Variants in COTL1 observed in about 807,000 individuals in gnomAD.
The protein encoded by COTL1 is coactosin like F-actin binding protein 1.
Under a neutral mutation model 16.5 loss-of-function variants are expected in COTL1, and 15 were observed. The observed-to-expected ratio is 0.91, with a 90% CI of 0.61 to 1.40. The LOEUF (loss-of-function observed/expected upper bound fraction) is 1.40, where lower values mean the gene tolerates loss of function less well. Ranked by LOEUF, COTL1 falls within the 40% of genes most tolerant of loss-of-function variation. COTL1 has a pLI of 0.00. For synonymous variants in COTL1, 112 were observed against 85.3 expected (o/e 1.31, Z -1.73); for missense variants, 220 against 201.5 (o/e 1.09, Z -0.56).
intron 2 of COTL1, among the ~76,000 whole-genome samples, chr16:84,603,094 C>A (rs564615422): frequency 6.6e-6 from 1 of 152,276 alleles, no homozygotes; most frequent in East Asian, 1.9e-4. Context: ...CCAGCGACTT[C>A]CCCTCTCTGC....
At chr16:84,611,719 T>C (rs772045926) in intron 2 of COTL1, among the ~76,000 whole-genome samples, 4 of 152,228 alleles carry the variant, frequency 2.6e-5, no homozygotes, top group Non-Finnish European at 4.4e-5. Context: ...TGCAAAACTA[T>C]ATCTGAACTA....
In COTL1 at chr16:84,598,626, T is replaced by A. The variant is rs562407737; in HGVS notation, c.161-8364A>T. On this transcript the variant is annotated intron_variant, in intron 2 of 3. Coordinates refer to ENST00000262428, the MANE Select transcript of COTL1 (RefSeq NM_021149.5). ...TTACGCCTCTCCCACCTCCTCCCCATCTGTGCCTCCTCCTCCCCTTCTCCC... is the reference window on the plus strand; with the variant it reads ...TTACGCCTCTCCCACCTCCTCCCCAACTGTGCCTCCTCCTCCCCTTCTCCC... Among the ~76,000 whole-genome samples the A allele has an allele frequency of 5.8e-3, 847 of 146,492 alleles. 6 individuals carry two copies. The highest frequency in any genetic ancestry group is 0.021 in the African/African-American group (817 of 39,700).
At chr16:84,591,210 GT>G (rs1904852247) in intron 2 of COTL1, among the ~76,000 whole-genome samples, 1 of 143,958 alleles carries the variant, frequency 6.9e-6, no homozygotes, top group Non-Finnish European at 1.5e-5. Context: ...TTGAGACAGA[GT>G]CTCGCTCTGT....
intron 2 of COTL1, chr16:84,595,204 G>A (rs1390917070): frequency 1.3e-5 from 2 of 152,458 alleles, no homozygotes; most frequent in Admixed American, 6.5e-5. Context: ...AAATGATCGT[G>A]GGGGAGCGGG....
At chr16:84,578,288 A>C (rs980084324) in intron 3 of COTL1, among the ~76,000 whole-genome samples, 1 of 152,226 alleles carries the variant, frequency 6.6e-6, no homozygotes, top group Non-Finnish European at 1.5e-5. Context: ...AAATAACAGA[A>C]TTTTTAAAAA....
chr16:84,575,967 C>T (rs766905901), intron 3 of COTL1: 2 of 152,230 alleles, frequency 1.3e-5, no homozygotes, highest in Non-Finnish European at 2.9e-5. Flanking sequence ...TGTGGGTTCA[C>T]CTTCATTCTC....
At chr16:84,608,047 G>A (rs189446726) in intron 2 of COTL1, among the ~76,000 whole-genome samples, 7 of 152,214 alleles carry the variant, frequency 4.6e-5, no homozygotes, top group African/African-American at 1.7e-4. Flanking sequence ...GCTGGCCACT[G>A]GCAAATGCTG....
rs775207953 is a variant in COTL1 at position 84,565,942 on chromosome 16, C to T, written c.*903G>A. On this transcript the variant is annotated 3_prime_UTR_variant, in exon 4 of 4. Transcript: ENST00000262428. The stretch of plus-strand genomic sequence containing the variant: ...GCAGCTTACACAGAAGCTTCCTGAA[C>T]CTAAGGGATCCGTTCCCAGCTCTCC... 1.3e-5 allele frequency: 2 copies of T among 152,336 alleles called. No homozygotes were observed. The highest frequency in any genetic ancestry group is 2.9e-5 in the Non-Finnish European group (2 of 68,104). The allele number at this position is 152,336 out of a possible 1,614,324, so 9.4% of individuals were successfully genotyped here.
chr16:84,592,559 AG>A (rs2150688890), intron 2 of COTL1, among the ~76,000 whole-genome samples: 1 of 151,382 alleles, frequency 6.6e-6, no homozygotes, highest in East Asian at 1.9e-4. Context: ...GAAGCTTCCC[AG>A]TGATGCTGAT....
Position 84,594,097 on chromosome 16 carries a change from G to A in COTL1, c.161-3835C>T, listed in dbSNP as rs545582558. ...GGATCATCCCTGCTGCCGCATGTGCGGGTCACCACTTCATTCCTTTTATGG... is the reference window on the plus strand; with the variant it reads ...GGATCATCCCTGCTGCCGCATGTGCAGGTCACCACTTCATTCCTTTTATGG... On this transcript the variant is annotated intron_variant, in intron 2 of 3. Transcript: ENST00000262428. 5.3e-5 allele frequency among the ~76,000 whole-genome samples: 8 copies of A among 149,750 alleles called. No homozygotes were observed. In the South Asian group the frequency reaches 8.3e-4, roughly 16 times the overall value.
chr16:84,579,257 G>C (rs1909897545), intron 3 of COTL1, among the ~76,000 whole-genome samples: 1 of 152,250 alleles, frequency 6.6e-6, no homozygotes, highest in Non-Finnish European at 1.5e-5. Context: ...AGCACTTTGG[G>C]AGGCCCAGGC....
Position 84,606,664 on chromosome 16 carries a change from C to T in COTL1, c.160+10837G>A, listed in dbSNP as rs145294823. Among the ~76,000 whole-genome samples, 187 of 152,356 alleles carry T rather than the reference C, an allele frequency of 1.2e-3. 1 individual carries two copies. Among genetic ancestry groups the T allele is most frequent in the African/African-American group, 3.7e-3 (155 of 41,586 alleles). On this transcript the variant is annotated intron_variant, in intron 2 of 3. Coordinates refer to ENST00000262428, the MANE Select transcript of COTL1 (RefSeq NM_021149.5). ...TTGGGTACACCATGACATCCTGCCA[C>T]GTCTAGCTGCTCAACCTCACAGAGG... is the stretch of plus-strand genomic sequence containing the variant.
intron 3 of COTL1, among the ~76,000 whole-genome samples, chr16:84,572,807 C>T (rs977362179): frequency 2.0e-5 from 3 of 152,106 alleles, no homozygotes; most frequent in Admixed American, 1.3e-4. Flanking sequence ...GGCTGGAGGG[C>T]ACTGGTGCAA....
chr16:84,587,790 A>ATTTAT, intron 3 of COTL1, among the ~76,000 whole-genome samples: 1 of 151,766 alleles, frequency 6.6e-6, no homozygotes, highest in East Asian at 1.9e-4. Flanking sequence ...TTATTTATTT[A>ATTTAT]TTTATTTTAT....
chr16:84,590,502 A>G lies in COTL1; in HGVS notation c.161-240T>C. ...TTCATGCCCATTTCACAGATGGGAA[A>G]TGGAGATTCAGAGAAGTCACATGGC... On this transcript the variant is annotated intron_variant, in intron 2 of 3. Coordinates refer to ENST00000262428, the MANE Select transcript of COTL1 (RefSeq NM_021149.5). This position sits in a 1 kb window ranked among gnomAD's most constrained non-coding sequence, Gnocchi z 5.5. 2 of 373,858 alleles carry G rather than the reference A, an allele frequency of 5.3e-6. No homozygotes were observed. Among genetic ancestry groups the G allele is most frequent in the Non-Finnish European group, 9.6e-6 (2 of 207,838 alleles). 23.2% of individuals were successfully genotyped at this position (373,858 alleles called of 1,614,324 possible). A position where few individuals can be genotyped will look rare whatever the true frequency, so the allele number is the denominator to read the frequency against.
At chr16:84,583,062 G>C (rs57022515) in intron 3 of COTL1, among the ~76,000 whole-genome samples, 2 of 152,090 alleles carry the variant, frequency 1.3e-5, no homozygotes, top group Non-Finnish European at 1.5e-5. Flanking sequence ...CCCTGCTTGC[G>C]GCCTTCGAAC....
intron 2 of COTL1, among the ~76,000 whole-genome samples, chr16:84,600,629 A>T (rs930347271): frequency 2.6e-5 from 4 of 152,080 alleles, no homozygotes; most frequent in African/African-American, 9.7e-5. Flanking sequence ...CTGTTTCTTT[A>T]TGTGATCCGC....
chr16:84,608,943 G>C (rs1370648828), intron 2 of COTL1, among the ~76,000 whole-genome samples: 1 of 152,094 alleles, frequency 6.6e-6, no homozygotes, highest in Non-Finnish European at 1.5e-5. Context: ...ATTGTTTCTG[G>C]AGCAAAGTAG....
rs148348697 is a variant in COTL1 at position 84,580,333 on chromosome 16, T to C, written c.318+9772A>G. The stretch of plus-strand genomic sequence containing the variant: ...CTGCATCCTCACAGTGGTGTGATCA[T>C]AGCTCACTGCATCCTTGACCTCCTG... On this transcript the variant is annotated intron_variant, in intron 3 of 3. Coordinates refer to ENST00000262428, the MANE Select transcript of COTL1 (RefSeq NM_021149.5). Among the ~76,000 whole-genome samples, 364 of 152,308 alleles carry C rather than the reference T, an allele frequency of 2.4e-3. 1 individual carries two copies. Among genetic ancestry groups the C allele is most frequent in the Non-Finnish European group, 4.6e-3 (313 of 68,002 alleles).
Sources: gnomAD v4.1 joint callset for allele counts (sites outside exome capture counted in the v4.1 genomes callset) on GRCh38, gnomAD v4.1.1 for gene constraint, Gnocchi (gnomAD v3.1) non-coding constraint, MANE v1.5 for transcripts, NCBI Gene and HGNC (gene_info 2026-07-23, HGNC 2026-07-21) for gene names.